The following SLC24A2 variants were observed in gnomAD, a reference collection of about 807,000 sequenced individuals.
SLC24A2 encodes the protein solute carrier family 24 member 2, also known as sodium/potassium/calcium exchanger 2.
Under a neutral mutation model 62.0 loss-of-function variants are expected in SLC24A2, and 36 were observed. The ratio of observed to expected loss-of-function variants is 0.58; its 90% CI spans 0.44 to 0.77. SLC24A2 has a LOEUF of 0.77. Ranked by LOEUF, SLC24A2 falls within the 30% of genes least tolerant of loss-of-function variation. The pLI is 0.00. For synonymous variants in SLC24A2, 358 were observed against 294.0 expected, an observed-to-expected ratio of 1.22 and a Z score of -2.23; for missense variants, 846 against 817.9, an observed-to-expected ratio of 1.03 and a Z score of -0.42.
intron 7 of SLC24A2, among the ~76,000 whole-genome samples, chr9:19,567,690 C>CAAA (rs113815958): frequency 0.029 from 4,123 of 142,476 alleles, 88 homozygotes; most frequent in African/African-American, 0.031. Flanking sequence ...TTAAAATAAC[C>CAAA]AAAAAAAAAA....
chr9:19,559,812 A>G (rs913433193), intron 7 of SLC24A2, among the ~76,000 whole-genome samples: 1 of 152,192 alleles, frequency 6.6e-6, no homozygotes, highest in Non-Finnish European at 1.5e-5. Context: ...TGTTTCCTAA[A>G]CATATTGCCT....
chr9:20,130,903 A>G, the SLC24A2 span, among the ~76,000 whole-genome samples: 1 of 152,056 alleles, frequency 6.6e-6, no homozygotes, highest in African/African-American at 2.4e-5. Context: ...TGGACATCAC[A>G]TAGGATACCC....
chr9:20,274,006 AC>A, the SLC24A2 span, among the ~76,000 whole-genome samples: 1 of 152,168 alleles, frequency 6.6e-6, no homozygotes, highest in African/African-American at 2.4e-5. Context: ...GAAAGATATG[AC>A]TTTTTCTCCC....
chr9:19,942,281 A>T, the SLC24A2 span, among the ~76,000 whole-genome samples: 2 of 152,208 alleles, frequency 1.3e-5, no homozygotes, highest in African/African-American at 4.8e-5. Context: ...ACATTAACTT[A>T]TGATTCTCCC....
At chr9:19,670,142 C>T (rs1435800865) in intron 2 of SLC24A2, among the ~76,000 whole-genome samples, 9 of 152,172 alleles carry the variant, frequency 5.9e-5, no homozygotes, top group Admixed American at 5.2e-4. Flanking sequence ...TCTCTTGTGG[C>T]ACCAATGGAA....
chr9:19,709,365 G>A (rs1175659488), intron 2 of SLC24A2, among the ~76,000 whole-genome samples: 1 of 152,164 alleles, frequency 6.6e-6, no homozygotes, highest in African/African-American at 2.4e-5. Context: ...TGGGGATCTA[G>A]AACAAGAAAT....
chr9:19,984,339 T>C, the SLC24A2 span, among the ~76,000 whole-genome samples: 30 of 152,078 alleles, frequency 2.0e-4, no homozygotes, highest in Admixed American at 2.0e-3. Flanking sequence ...ATTTCAAAGC[T>C]ACAGTAATTA....
intron 8 of SLC24A2, among the ~76,000 whole-genome samples, chr9:19,541,500 C>T (rs1834252858): frequency 6.8e-6 from 1 of 148,144 alleles, no homozygotes; most frequent in East Asian, 2.1e-4. Context: ...TGGGGGGTGC[C>T]TCCCAGTTAG....
At position 19,568,425 on chromosome 9, in the gene SLC24A2, G is replaced by C. The variant is rs573478906; in HGVS notation, c.1347+4926C>G. On this transcript the variant is annotated intron_variant, in intron 7 of 10. Transcript: ENST00000341998. ...GCAGCTCATACATGGTCTACCAATA[G>C]ACGCCTTGCCATCTGGGCTATTCAA... Among the ~76,000 whole-genome samples, 7 of 152,202 alleles carry C rather than the reference G, an allele frequency of 4.6e-5. No individual in the cohort carries two copies. In the South Asian group the frequency reaches 1.2e-3, roughly 27 times the overall value.
the SLC24A2 span, among the ~76,000 whole-genome samples, chr9:19,800,284 C>G: frequency 6.6e-6 from 1 of 152,140 alleles, no homozygotes; most frequent in Non-Finnish European, 1.5e-5. Context: ...GCCCCTGTAG[C>G]CTTGCCAATC....
chr9:19,617,090 G>T (rs1007212488), intron 4 of SLC24A2, among the ~76,000 whole-genome samples: 1 of 152,110 alleles, frequency 6.6e-6, no homozygotes, highest in African/African-American at 2.4e-5. Flanking sequence ...CTGGGTCTTG[G>T]GGAAGACAAT....
chr9:19,910,984 G>A, the SLC24A2 span, among the ~76,000 whole-genome samples: 94 of 150,060 alleles, frequency 6.3e-4, no homozygotes, highest in Middle Eastern at 6.8e-3. Flanking sequence ...AGTTACATAT[G>A]TATACATGTG....
the SLC24A2 span, among the ~76,000 whole-genome samples, chr9:19,932,861 C>T: frequency 3.7e-3 from 565 of 152,344 alleles, 4 homozygotes; most frequent in African/African-American, 0.013. Context: ...CATCTCACCC[C>T]GTCCTACTCT....
intron 2 of SLC24A2, among the ~76,000 whole-genome samples, chr9:19,638,144 T>G (rs1196209572): frequency 6.6e-6 from 1 of 152,188 alleles, no homozygotes; most frequent in African/African-American, 2.4e-5. Context: ...CTTGTAAAGT[T>G]GGGGGCCATA....
chr9:19,792,715 A>C (rs1246994941), upstream of SLC24A2, among the ~76,000 whole-genome samples: 1 of 151,692 alleles, frequency 6.6e-6, no homozygotes, highest in African/African-American at 2.4e-5. Context: ...TCTCAAAAAA[A>C]AAAGATAGGA....
chr9:20,285,792 T>C, the SLC24A2 span, among the ~76,000 whole-genome samples: 1 of 152,040 alleles, frequency 6.6e-6, no homozygotes, highest in African/African-American at 2.4e-5. Context: ...CTGGTGTCTA[T>C]ATAAGAAGGG....
chr9:19,611,852 T>C (rs1352806969), intron 4 of SLC24A2, among the ~76,000 whole-genome samples: 1 of 152,120 alleles, frequency 6.6e-6, no homozygotes. Flanking sequence ...AGTTACATAA[T>C]GTGGTCCTGG....
At chr9:19,935,338 A>C in the SLC24A2 span, among the ~76,000 whole-genome samples, 1 of 152,198 alleles carries the variant, frequency 6.6e-6, no homozygotes, top group Non-Finnish European at 1.5e-5. Flanking sequence ...TCTGGTAGGC[A>C]CAAAGTCCTT....
the SLC24A2 span, among the ~76,000 whole-genome samples, chr9:19,831,991 T>C: frequency 6.6e-6 from 1 of 152,246 alleles, no homozygotes; most frequent in Non-Finnish European, 1.5e-5. Flanking sequence ...TAGTTGGACA[T>C]TGTTTTTTGT....
Sources: allele counts gnomAD v4.1 joint callset (sites outside exome capture counted in the v4.1 genomes callset), GRCh38; gene constraint gnomAD v4.1.1; transcripts MANE v1.5; gene names NCBI Gene and HGNC (gene_info 2026-07-23, HGNC 2026-07-21).